CADM1: variants seen among roughly 807,000 people sequenced by gnomAD.
CADM1 encodes the protein TSLC-1.
In CADM1, 15 loss-of-function variants were observed where a neutral mutation model predicts 53.1. The ratio of observed to expected loss-of-function variants is 0.28; its 90% CI spans 0.19 to 0.44. CADM1 has a LOEUF of 0.44. Ranked by LOEUF, CADM1 falls within the 20% of genes least tolerant of loss-of-function variation. CADM1 has a pLI of 1.00. For synonymous variants in CADM1, 281 were observed against 243.0 expected (o/e 1.16, Z -1.45); for missense variants, 434 against 611.3 (o/e 0.71, Z 3.06).
At position 115,269,584 on chromosome 11, in the gene CADM1, T is replaced by C. The variant is rs568661621; in HGVS notation, c.125-29164A>G. Among the ~76,000 whole-genome samples the C allele has an allele frequency of 2.6e-5, 4 of 152,252 alleles. No homozygotes were observed. The East Asian group carries it at 5.8e-4, about 22-fold the overall frequency. On this transcript the variant is annotated intron_variant, in intron 1 of 11. Transcript: ENST00000331581. ...GGCCTCCAAACAGCAGGTGATTCCA[T>C]ACACCATACGTGATTCAACATTTAA...
At chr11:115,205,481 C>G (rs1940631106) in intron 8 of CADM1, among the ~76,000 whole-genome samples, 1 of 152,188 alleles carries the variant, frequency 6.6e-6, no homozygotes, top group Admixed American at 6.5e-5. Context: ...TCCCGCCACC[C>G]CAGCATGGCA....
intron 1 of CADM1, among the ~76,000 whole-genome samples, chr11:115,340,769 T>G (rs1945425824): frequency 1.3e-5 from 2 of 148,594 alleles, no homozygotes; most frequent in African/African-American, 5.0e-5. Context: ...CAAGACATTC[T>G]GGTGCCTCAA....
At chr11:115,373,292 T>C (rs963650285) in intron 1 of CADM1, among the ~76,000 whole-genome samples, 1 of 152,064 alleles carries the variant, frequency 6.6e-6, no homozygotes, top group Non-Finnish European at 1.5e-5. Flanking sequence ...ATCAAGAATA[T>C]GGTCAACCTT....
chr11:115,324,628 C>T (rs566134333), intron 1 of CADM1, among the ~76,000 whole-genome samples: 97 of 152,234 alleles, frequency 6.4e-4, no homozygotes, highest in African/African-American at 2.2e-3. Context: ...AGCCTCATTC[C>T]ATAGCCAAGA....
chr11:115,252,117 C>T (rs905102992), intron 1 of CADM1, among the ~76,000 whole-genome samples: 3 of 152,182 alleles, frequency 2.0e-5, no homozygotes, highest in African/African-American at 7.2e-5. Flanking sequence ...GAGACCATCG[C>T]ACTTGGAAAA....
In CADM1 at chr11:115,178,763, C is replaced by G. The variant is rs138940776; in HGVS notation, c.1178G>C (p.Gly393Ala). The G allele has an allele frequency of 6.2e-7, 1 of 1,614,064 alleles. No individual in the cohort carries two copies. Among genetic ancestry groups the G allele is most frequent in the African/African-American group, 1.3e-5 (1 of 75,038 alleles). Residue 393 changes from glycine to alanine, a missense_variant, in exon 11 of 12, where the codon GGT (glycine) becomes GCT (alanine). Gly to Ala is a moderately conservative substitution (Grantham distance 60). This residue lies in a region of CADM1 where 311 missense variants were observed against 435.1 expected (regional missense o/e 0.71). Coordinates refer to ENST00000331581, the MANE Select transcript of CADM1 (RefSeq NM_001301043.2). ...CACTGCCCTGATCGAGCCTTCTTCA[C>G]CTGCTCGGGAATCTGTTAAAATCAG... ...DSEDLSDSRA[G>A]EEGSIRAVDH...
In CADM1 at chr11:115,174,755, A is replaced by G. The variant is rs528360416; in HGVS notation, c.*1719T>C. On this transcript the variant is annotated 3_prime_UTR_variant, in exon 12 of 12. Transcript: ENST00000331581. ...TGTAATAGAATATATATTTATATATATATATAGATCTATCTTTTTTGATGC... is the reference window on the plus strand; with the variant it reads ...TGTAATAGAATATATATTTATATATGTATATAGATCTATCTTTTTTGATGC... The G allele has an allele frequency of 3.4e-6, 3 of 882,198 alleles. No individual in the cohort carries two copies. Among genetic ancestry groups the G allele is most frequent in the Non-Finnish European group, 4.1e-6 (3 of 736,192 alleles). 54.6% of individuals were successfully genotyped at this position (882,198 alleles called of 1,614,324 possible).
In CADM1 at chr11:115,254,466, G is replaced by A. The variant is rs552274254; in HGVS notation, c.125-14046C>T. Among the ~76,000 whole-genome samples, 5 of 151,606 alleles carry A rather than the reference G, an allele frequency of 3.3e-5. No individual in the cohort carries two copies. In the East Asian group the frequency reaches 9.7e-4, roughly 29 times the overall value. On this transcript the variant is annotated intron_variant, in intron 1 of 11. Coordinates refer to ENST00000331581, the MANE Select transcript of CADM1 (RefSeq NM_001301043.2). ...GGGATTTTCACAAGACTCTTGGAAG[G>A]AAACAGGCCTTAGTATTGGACCTAG...
intron 7 of CADM1, among the ~76,000 whole-genome samples, chr11:115,209,873 A>C (rs1940871328): frequency 6.6e-6 from 1 of 152,178 alleles, no homozygotes. Flanking sequence ...ATTTTCATTA[A>C]TGAAGTGAAT....
At chr11:115,350,735 TTTTC>T (rs1398500976) in intron 1 of CADM1, among the ~76,000 whole-genome samples, 2 of 152,078 alleles carry the variant, frequency 1.3e-5, no homozygotes, top group Non-Finnish European at 2.9e-5. Flanking sequence ...GCAATTAGCA[TTTTC>T]TTTGTTTTGA....
At chr11:115,372,924 G>A (rs1314935119) in intron 1 of CADM1, among the ~76,000 whole-genome samples, 1 of 152,210 alleles carries the variant, frequency 6.6e-6, no homozygotes, top group Admixed American at 6.5e-5. Context: ...AAAGGCTTGT[G>A]AATTCAGGTA....
At chr11:115,503,921 G>C (rs1461561223) in intron 1 of CADM1, among the ~76,000 whole-genome samples, 10 of 152,068 alleles carry the variant, frequency 6.6e-5, no homozygotes, top group Non-Finnish European at 1.0e-4. Context: ...GTTTAGAAGG[G>C]TCCGGAAGGG....
chr11:115,203,733 T>A (rs1179425244), intron 8 of CADM1, among the ~76,000 whole-genome samples: 3 of 152,162 alleles, frequency 2.0e-5, no homozygotes, highest in Admixed American at 2.0e-4. Context: ...ATTCATTTTT[T>A]AAAAAATATG....
chr11:115,334,424 C>T (rs573394331), intron 1 of CADM1, among the ~76,000 whole-genome samples: 6 of 151,514 alleles, frequency 4.0e-5, no homozygotes, highest in Non-Finnish European at 8.8e-5. Flanking sequence ...TTCAGTTACC[C>T]TGGGCCAATG....
chr11:115,365,746 A>T (rs1946140598), intron 1 of CADM1, among the ~76,000 whole-genome samples: 1 of 152,218 alleles, frequency 6.6e-6, no homozygotes, highest in Non-Finnish European at 1.5e-5. Context: ...AAAATAAAAA[A>T]AAAATTCTTT....
At chr11:115,214,577 T>G in intron 7 of CADM1, 31 bp downstream of exon 7, 14 of 1,594,954 alleles carry the variant, frequency 8.8e-6, no homozygotes, top group Non-Finnish European at 1.2e-5. Flanking sequence ...TGACTGACTC[T>G]AGTAGAAGAG....
At chr11:115,288,701 T>C (rs145065095) in intron 1 of CADM1, among the ~76,000 whole-genome samples, 15 of 152,350 alleles carry the variant, frequency 9.8e-5, no homozygotes, top group African/African-American at 3.6e-4. Context: ...GCACTTATCA[T>C]GCTGCCCTGT....
chr11:115,504,003 C>G (rs1307659016), intron 1 of CADM1, among the ~76,000 whole-genome samples: 5 of 152,102 alleles, frequency 3.3e-5, no homozygotes, highest in Non-Finnish European at 1.5e-5. Context: ...TCACTCCACT[C>G]TGCACCCCGC....
chr11:115,309,699 G>A (rs1401466416), intron 1 of CADM1, among the ~76,000 whole-genome samples: 1 of 152,134 alleles, frequency 6.6e-6, no homozygotes, highest in African/African-American at 2.4e-5. Flanking sequence ...GCCGTGAGAT[G>A]TTAGTTCCGG....
Sources: gnomAD v4.1 joint callset for allele counts (sites outside exome capture counted in the v4.1 genomes callset) on GRCh38, gnomAD v4.1.1 for gene constraint, gnomAD v4.1.1 regional missense constraint, MANE v1.5 for transcripts, NCBI Gene and HGNC (gene_info 2026-07-23, HGNC 2026-07-21) for gene names.